Variants in ATP2B1 observed in about 807,000 individuals in gnomAD.
The protein encoded by ATP2B1 is ATPase plasma membrane Ca2+ transporting 1, also known as plasma membrane calcium-transporting ATPase 1.
A neutral mutation model predicts 124.2 loss-of-function variants in ATP2B1; 14 were observed. The ratio of observed to expected loss-of-function variants is 0.11; its 90% CI spans 0.07 to 0.18. The LOEUF is 0.18. Ranked by LOEUF, ATP2B1 falls within the 10% of genes least tolerant of loss-of-function variation. The pLI is 1.00. For missense variants in ATP2B1, 763 were observed against 1,466.1 expected (o/e 0.52, Z 7.83); for synonymous variants, 449 against 492.4 (o/e 0.91, Z 1.17).
chr12:89,707,682 G>A (rs1315384779), intron 1 of ATP2B1, among the ~76,000 whole-genome samples: 2 of 151,896 alleles, frequency 1.3e-5, no homozygotes, highest in Non-Finnish European at 2.9e-5. Context: ...CCTCCCCTCC[G>A]AGCCAAGCAG....
intron 1 of ATP2B1, among the ~76,000 whole-genome samples, chr12:89,691,592 G>A (rs1208007497): frequency 2.6e-5 from 4 of 152,094 alleles, no homozygotes; most frequent in Non-Finnish European, 5.9e-5. Flanking sequence ...ACCAGAAAGT[G>A]ATCACTCAGG....
At chr12:89,592,582 T>A (rs1873792336) in intron 20 of ATP2B1, among the ~76,000 whole-genome samples, 1 of 152,030 alleles carries the variant, frequency 6.6e-6, no homozygotes, top group Non-Finnish European at 1.5e-5. Flanking sequence ...GCCCTTTATA[T>A]AGAGAGTACA....
At chr12:89,643,204 G>T (rs1437460780) in intron 2 of ATP2B1, among the ~76,000 whole-genome samples, 1 of 149,896 alleles carries the variant, frequency 6.7e-6, no homozygotes, top group African/African-American at 2.5e-5. Flanking sequence ...GTATATATGT[G>T]TGTATATGTG....
chr12:89,697,086 A>T (rs866114041), intron 1 of ATP2B1, among the ~76,000 whole-genome samples: 100 of 145,270 alleles, frequency 6.9e-4, no homozygotes, highest in African/African-American at 2.4e-3. Context: ...AAAAAAAAGC[A>T]AGAAGTAATT....
intron 19 of ATP2B1, among the ~76,000 whole-genome samples, chr12:89,599,817 G>A (rs1249178337): frequency 6.6e-6 from 1 of 152,078 alleles, no homozygotes; most frequent in East Asian, 1.9e-4. Context: ...AGTACTGATT[G>A]ATGACGCCAA....
chr12:89,627,182 T>C (rs1485746240), intron 7 of ATP2B1, among the ~76,000 whole-genome samples: 1 of 152,148 alleles, frequency 6.6e-6, no homozygotes, highest in East Asian at 1.9e-4. Flanking sequence ...TTTTGAGCAC[T>C]GACATGACAC....
At chr12:89,659,633 C>A (rs1008322497) in intron 1 of ATP2B1, among the ~76,000 whole-genome samples, 9 of 152,076 alleles carry the variant, frequency 5.9e-5, no homozygotes, top group African/African-American at 2.2e-4. Flanking sequence ...TGAAAGTTAA[C>A]CAGACTTGGT....
At chr12:89,652,551 G>A (rs921347667) in intron 2 of ATP2B1, among the ~76,000 whole-genome samples, 3 of 152,158 alleles carry the variant, frequency 2.0e-5, no homozygotes, top group Non-Finnish European at 4.4e-5. Flanking sequence ...TAACGAAAGA[G>A]TACTTGCTGT....
chr12:89,596,654 A>G (rs1874675188), intron 20 of ATP2B1, among the ~76,000 whole-genome samples: 1 of 152,166 alleles, frequency 6.6e-6, no homozygotes, highest in Admixed American at 6.6e-5. Flanking sequence ...ATATACAGAT[A>G]AAGTAGTGTC....
chr12:89,636,413 T>C lies in ATP2B1; in HGVS notation c.407-1162A>G, dbSNP rs191480374. 1.6e-3 allele frequency among the ~76,000 whole-genome samples: 249 copies of C among 152,288 alleles called. 1 individual carries two copies. Among genetic ancestry groups the C allele is most frequent in the African/African-American group, 5.6e-3 (234 of 41,566 alleles). On this transcript the variant is annotated intron_variant, in intron 3 of 20. Transcript: ENST00000428670. ...GATATGTATGTAGTAAGGATAAGTA[T>C]TATTTCCTGAAACGCTGATTACTTA...
chr12:89,669,705 T>C (rs1053658652), intron 1 of ATP2B1, among the ~76,000 whole-genome samples: 9 of 152,232 alleles, frequency 5.9e-5, no homozygotes, highest in African/African-American at 1.7e-4. Flanking sequence ...TTAAGTGTAA[T>C]AACTATGGTG....
intron 19 of ATP2B1, among the ~76,000 whole-genome samples, chr12:89,600,052 G>A (rs1344323545): frequency 6.6e-6 from 1 of 152,150 alleles, no homozygotes; most frequent in Non-Finnish European, 1.5e-5. Context: ...TGCTCATGGA[G>A]TGACTAGGAA....
intron 1 of ATP2B1, among the ~76,000 whole-genome samples, chr12:89,672,020 G>T (rs1041876827): frequency 2.0e-5 from 3 of 152,118 alleles, no homozygotes; most frequent in African/African-American, 7.2e-5. Flanking sequence ...ATCATCATTA[G>T]CAATCTCTTC....
chr12:89,657,851 G>A (rs1886141328), intron 1 of ATP2B1, among the ~76,000 whole-genome samples: 1 of 152,218 alleles, frequency 6.6e-6, no homozygotes, highest in Non-Finnish European at 1.5e-5. Context: ...ATGGCTGGGT[G>A]AGAAAAGTTT....
chr12:89,637,980 T>A (rs1472807494), intron 3 of ATP2B1, among the ~76,000 whole-genome samples: 2 of 152,064 alleles, frequency 1.3e-5, no homozygotes, highest in Non-Finnish European at 2.9e-5. Flanking sequence ...ATGACATATA[T>A]CATTTCATAT....
chr12:89,621,509 T>C (rs766193660), intron 10 of ATP2B1, 40 bp downstream of exon 10: 4 of 1,402,180 alleles, frequency 2.9e-6, no homozygotes, highest in Non-Finnish European at 3.8e-6. Flanking sequence ...TCATTATAGA[T>C]TTAAAAATTA....
rs1395627367 is a variant in ATP2B1, at chr12:89,655,668, A to T, written c.208+11T>A. ...GCACAAAGAACCAAAAACAAGCATA[A>T]TAAAACTCACCTTCATTGGGAGATG... On this transcript the variant is annotated intron_variant, in intron 2 of 20. Transcript: ENST00000428670. 6.2e-7 allele frequency: 1 copy of T among 1,612,698 alleles called. No homozygotes were observed. Among genetic ancestry groups the T allele is most frequent in the Non-Finnish European group, 8.5e-7 (1 of 1,178,844 alleles).
At chr12:89,596,028 G>A (rs1312437544) in intron 20 of ATP2B1, among the ~76,000 whole-genome samples, 1 of 152,030 alleles carries the variant, frequency 6.6e-6, no homozygotes, top group Non-Finnish European at 1.5e-5. Flanking sequence ...TGGAAAAAAA[G>A]ATGCCTGGGT....
At chr12:89,638,672 T>G (rs567982959) in intron 3 of ATP2B1, among the ~76,000 whole-genome samples, 1 of 152,176 alleles carries the variant, frequency 6.6e-6, no homozygotes, top group East Asian at 1.9e-4. Flanking sequence ...GAATATACAA[T>G]AGATTATTAT....
Sources: gnomAD v4.1 joint callset for allele counts (sites outside exome capture counted in the v4.1 genomes callset) on GRCh38, gnomAD v4.1.1 for gene constraint, MANE v1.5 for transcripts, NCBI Gene and HGNC (gene_info 2026-07-23, HGNC 2026-07-21) for gene names.